PACS1: variants seen among roughly 807,000 people sequenced by gnomAD.
PACS1 encodes the protein phosphofurin acidic cluster sorting protein 1.
A neutral mutation model predicts 115.0 loss-of-function variants in PACS1; 24 were observed. The ratio of observed to expected loss-of-function variants is 0.21; its 90% confidence interval spans 0.15 to 0.29. PACS1 has a LOEUF of 0.29. Among genes scored for constraint, PACS1 ranks in the 10% least tolerant of loss-of-function variants. The pLI is 1.00. For synonymous variants in PACS1, 453 were observed against 504.5 expected (o/e 0.90, Z 1.37); for missense variants, 838 against 1,251.2 (o/e 0.67, Z 4.98).
intron 10 of PACS1, among the ~76,000 whole-genome samples, chr11:66,223,400 T>A (rs1388354502): frequency 1.3e-5 from 2 of 151,996 alleles, no homozygotes; most frequent in Non-Finnish European, 2.9e-5. Context: ...GGCCTATTTT[T>A]TTTTTTTTGA....
chr11:66,212,941 C>G (rs981678018), intron 4 of PACS1, among the ~76,000 whole-genome samples: 1 of 152,226 alleles, frequency 6.6e-6, no homozygotes, highest in Non-Finnish European at 1.5e-5. Context: ...CCTCTACCTC[C>G]CGGGTTCCAG....
intron 1 of PACS1, among the ~76,000 whole-genome samples, chr11:66,082,399 G>A (rs1258422450): frequency 6.6e-6 from 1 of 151,970 alleles, no homozygotes; most frequent in Non-Finnish European, 1.5e-5. Flanking sequence ...ATTATTTATA[G>A]AGATGGGGTT....
Position 66,210,508 on chromosome 11 carries a change from C to T in PACS1, c.534+57C>T, listed in dbSNP as rs577830822. The T allele has an allele frequency of 5.9e-5, 72 of 1,224,464 alleles. 1 individual carries two copies. The South Asian group carries it at 8.3e-4, about 14-fold the overall frequency. The allele number at this position is 1,224,464 out of a possible 1,614,324, so 75.8% of individuals were successfully genotyped here. A position where few individuals can be genotyped will look rare whatever the true frequency, so the allele number is the denominator to read the frequency against. On this transcript the variant is annotated intron_variant, in intron 3 of 23. Transcript: ENST00000320580. Reference sequence around the variant, plus strand: ...TGCTATATCCTGGCTAGTCCCCAGACAGTCCTCTAACCCAGAGACTGTTTT... The same window carrying T: ...TGCTATATCCTGGCTAGTCCCCAGATAGTCCTCTAACCCAGAGACTGTTTT...
At chr11:66,153,556 C>T (rs145020156) in intron 1 of PACS1, among the ~76,000 whole-genome samples, 152 of 152,016 alleles carry the variant, frequency 1.0e-3, no homozygotes, top group African/African-American at 3.2e-3. Flanking sequence ...CTCAGGTGGG[C>T]GGATCACGAA....
At chr11:66,130,565 A>G (rs927947293) in intron 1 of PACS1, among the ~76,000 whole-genome samples, 18 of 152,068 alleles carry the variant, frequency 1.2e-4, no homozygotes, top group Non-Finnish European at 2.1e-4. Flanking sequence ...GTATTCTTAC[A>G]TGGTGTTTTC....
intron 1 of PACS1, among the ~76,000 whole-genome samples, chr11:66,134,632 C>T (rs891993418): frequency 2.0e-5 from 3 of 151,852 alleles, no homozygotes; most frequent in Non-Finnish European, 2.9e-5. Context: ...GTATGTGTTC[C>T]CAAAGTGGGA....
chr11:66,083,972 C>G (rs1166127250), intron 1 of PACS1: 2 of 152,186 alleles, frequency 1.3e-5, no homozygotes, highest in East Asian at 3.9e-4. Context: ...GCACACATTA[C>G]AGACCAGTCA....
intron 1 of PACS1, among the ~76,000 whole-genome samples, chr11:66,091,515 T>A (rs1048759063): frequency 5.9e-5 from 9 of 151,530 alleles, no homozygotes; most frequent in Admixed American, 5.3e-4. Flanking sequence ...TTTTTTTCTT[T>A]TTTTTTTCTT....
At chr11:66,164,933 G>A (rs1046476440) in intron 1 of PACS1, among the ~76,000 whole-genome samples, 13 of 152,128 alleles carry the variant, frequency 8.5e-5, no homozygotes, top group Admixed American at 7.9e-4. Context: ...TTAACAAGCT[G>A]TGCTAGAAAT....
chr11:66,124,039 C>G (rs1458253110), intron 1 of PACS1, among the ~76,000 whole-genome samples: 1 of 152,186 alleles, frequency 6.6e-6, no homozygotes, highest in Non-Finnish European at 1.5e-5. Context: ...CTGTCAAGGG[C>G]AGGCATTCTG....
At chr11:66,123,074 G>C (rs1858480187) in intron 1 of PACS1, among the ~76,000 whole-genome samples, 1 of 152,048 alleles carries the variant, frequency 6.6e-6, no homozygotes, top group Non-Finnish European at 1.5e-5. Flanking sequence ...AATTGTCACA[G>C]ATACCCCAAC....
rs1297274653 is a variant in PACS1 at position 66,105,847 on chromosome 11, G to C, written c.356+35005G>C. On this transcript the variant is annotated intron_variant, in intron 1 of 23. Transcript: ENST00000320580. ...ACAGCTACAGTATACTTTCTGGGAGGAGTATGCCTATAAGCATCCTTGGCT... is the reference window on the plus strand; with the variant it reads ...ACAGCTACAGTATACTTTCTGGGAGCAGTATGCCTATAAGCATCCTTGGCT... Among the ~76,000 whole-genome samples the C allele has an allele frequency of 3.3e-5, 5 of 152,286 alleles. 1 individual carries two copies. In the East Asian group the frequency reaches 9.6e-4, roughly 29 times the overall value.
chr11:66,217,993 C>G (rs1855252779), intron 7 of PACS1: 1 of 179,218 alleles, frequency 5.6e-6, no homozygotes, highest in Non-Finnish European at 1.2e-5. Context: ...TATACTCCCC[C>G]AGAGGTGTTT....
At chr11:66,221,067 C>A in intron 9 of PACS1, 87 bp from the exon 10 acceptor site, 2 of 1,298,456 alleles carry the variant, frequency 1.5e-6, no homozygotes, top group Non-Finnish European at 2.2e-6. Context: ...CTTGTTGACC[C>A]ACCCTGAATG....
At chr11:66,219,105 C>T (rs1855280882) in intron 7 of PACS1, among the ~76,000 whole-genome samples, 1 of 151,912 alleles carries the variant, frequency 6.6e-6, no homozygotes, top group African/African-American at 2.4e-5. Flanking sequence ...CCACTGTGGG[C>T]TGTGGAGGGA....
At chr11:66,077,848 A>G (rs1447966002) in intron 1 of PACS1, among the ~76,000 whole-genome samples, 9 of 151,784 alleles carry the variant, frequency 5.9e-5, no homozygotes, top group African/African-American at 1.9e-4. Flanking sequence ...GATTCCAGGC[A>G]TGCACCACCA....
At chr11:66,090,062 T>C (rs1857633395) in intron 1 of PACS1, among the ~76,000 whole-genome samples, 1 of 148,630 alleles carries the variant, frequency 6.7e-6, no homozygotes, top group Non-Finnish European at 1.5e-5. Flanking sequence ...ATTTGTTAAC[T>C]CTTCTTTGCC....
At chr11:66,167,260 A>C (rs1859626661) in intron 1 of PACS1, among the ~76,000 whole-genome samples, 1 of 149,078 alleles carries the variant, frequency 6.7e-6, no homozygotes, top group Admixed American at 6.6e-5. Context: ...TCTTTTTCTT[A>C]CTGACTTATA....
intron 10 of PACS1, among the ~76,000 whole-genome samples, chr11:66,225,182 A>G (rs1389019518): frequency 1.3e-5 from 2 of 151,984 alleles, no homozygotes; most frequent in African/African-American, 2.4e-5. Context: ...TAGCCTACAC[A>G]TTACCCACTC....
Sources: gnomAD v4.1 joint callset for allele counts (sites outside exome capture counted in the v4.1 genomes callset) on GRCh38, gnomAD v4.1.1 for gene constraint, MANE v1.5 for transcripts, NCBI Gene and HGNC (gene_info 2026-07-23, HGNC 2026-07-21) for gene names.